The following ACVR2A variants were observed in gnomAD, a reference collection of about 807,000 sequenced individuals.
The protein encoded by ACVR2A is activin receptor type-2A.
Under a neutral mutation model 61.4 loss-of-function variants are expected in ACVR2A, and 7 were observed. The observed-to-expected ratio is 0.11, with a 90% CI of 0.06 to 0.21. The LOEUF (loss-of-function observed/expected upper bound fraction) is 0.21, where lower values mean the gene tolerates loss of function less well. ACVR2A is among the 10% of genes least tolerant of loss of function. The pLI is 1.00. For synonymous variants in ACVR2A, 193 were observed against 208.3 expected (o/e 0.93, Z 0.63); for missense variants, 322 against 621.7 (o/e 0.52, Z 5.13).
intron 4 of ACVR2A, among the ~76,000 whole-genome samples, chr2:147,911,854 C>T (rs1348109752): frequency 3.9e-5 from 6 of 151,992 alleles, no homozygotes; most frequent in African/African-American, 7.2e-5. Flanking sequence ...CGGCTCCATT[C>T]GCCTCAAAAA....
chr2:147,897,721 A>G (rs1001979040), intron 2 of ACVR2A, among the ~76,000 whole-genome samples: 3 of 152,108 alleles, frequency 2.0e-5, no homozygotes, highest in Non-Finnish European at 2.9e-5. Flanking sequence ...GATTAACTAC[A>G]CTTTTTGTGA....
At chr2:147,889,309 T>G (rs1340563889) in intron 1 of ACVR2A, among the ~76,000 whole-genome samples, 1 of 152,196 alleles carries the variant, frequency 6.6e-6, no homozygotes, top group Non-Finnish European at 1.5e-5. Flanking sequence ...ATGATACTGG[T>G]CTCATAAAAT....
chr2:147,899,472 A>G lies in ACVR2A; in HGVS notation c.278A>G (p.Glu93Gly), dbSNP rs1354104220. The G allele has an allele frequency of 2.5e-6, 4 of 1,605,916 alleles. No individual in the cohort carries two copies. The highest frequency in any genetic ancestry group is 3.4e-6 in the Non-Finnish European group (4 of 1,175,104). The stretch of plus-strand genomic sequence containing the variant: ...CTTATTTATAGGACTGATTGTGTAG[A>G]AAAAAAAGACAGCCCTGAAGTATAT... ...INCYDRTDCV[E>G]KKDSPEVYFC... The change falls in exon 3 of 11, where the codon GAA (glutamate) becomes GGA (glycine). Residue 93 changes from glutamate (E) to glycine (G), a missense_variant. Transcript: ENST00000241416.
At chr2:147,885,544 T>C (rs557519272) in intron 1 of ACVR2A, among the ~76,000 whole-genome samples, 76 of 152,154 alleles carry the variant, frequency 5.0e-4, no homozygotes, top group Non-Finnish European at 8.8e-4. Flanking sequence ...GATCATAGTA[T>C]GTACCTGTAG....
intron 2 of ACVR2A, among the ~76,000 whole-genome samples, chr2:147,897,498 A>G (rs1322132852): frequency 6.6e-6 from 1 of 152,170 alleles, no homozygotes; most frequent in Admixed American, 6.5e-5. Flanking sequence ...CCTGGGCCAC[A>G]GGATTTCTAC....
At chr2:147,859,384 A>G (rs1259987373) in intron 1 of ACVR2A, among the ~76,000 whole-genome samples, 1 of 152,008 alleles carries the variant, frequency 6.6e-6, no homozygotes, top group African/African-American at 2.4e-5. Context: ...AGAGGAGGGC[A>G]TGGGAGGAGA....
intron 4 of ACVR2A, among the ~76,000 whole-genome samples, chr2:147,914,220 T>C (rs562063693): frequency 3.9e-4 from 60 of 152,032 alleles, no homozygotes; most frequent in African/African-American, 1.4e-3. Flanking sequence ...GAAATTTTAG[T>C]TCCTCCTCAA....
At chr2:147,890,028 C>CA (rs1686543946) in intron 1 of ACVR2A, among the ~76,000 whole-genome samples, 1 of 151,756 alleles carries the variant, frequency 6.6e-6, no homozygotes, top group Non-Finnish European at 1.5e-5. Flanking sequence ...GATGCGGAAA[C>CA]AAGGTAGTGA....
intron 1 of ACVR2A, among the ~76,000 whole-genome samples, chr2:147,864,298 C>T (rs1210640987): frequency 2.0e-5 from 3 of 152,016 alleles, no homozygotes; most frequent in African/African-American, 4.8e-5. Context: ...GGCGCGATGT[C>T]GGCTCACTGC....
At chr2:147,910,743 T>G (rs925569315) in intron 4 of ACVR2A, among the ~76,000 whole-genome samples, 1 of 152,174 alleles carries the variant, frequency 6.6e-6, no homozygotes, top group African/African-American at 2.4e-5. Flanking sequence ...ATGAAAATCC[T>G]GTTCTCTATC....
intron 1 of ACVR2A, among the ~76,000 whole-genome samples, chr2:147,874,779 A>C (rs1686113088): frequency 6.6e-6 from 1 of 152,002 alleles, no homozygotes; most frequent in African/African-American, 2.4e-5. Context: ...AGGAATAATA[A>C]TACCTATTCC....
chr2:147,918,183 AC>A (rs1161359760), intron 6 of ACVR2A, among the ~76,000 whole-genome samples: 16 of 151,648 alleles, frequency 1.1e-4, no homozygotes, highest in Admixed American at 4.6e-4. Context: ...AAAAAAAAAA[AC>A]AAACTTGTCT....
chr2:147,881,602 A>AGTGTGTGTGTGTGTGTGTGT (rs145075375), intron 1 of ACVR2A, among the ~76,000 whole-genome samples: 1 of 81,444 alleles, frequency 1.2e-5, no homozygotes, highest in Non-Finnish European at 2.4e-5. Flanking sequence ...GAAGCTGCTT[A>AGTGTGTGTGTGTGTGTGTGT]GTGTGTGTGT....
At chr2:147,864,898 C>T (rs1287539517) in intron 1 of ACVR2A, among the ~76,000 whole-genome samples, 5 of 152,066 alleles carry the variant, frequency 3.3e-5, no homozygotes, top group Non-Finnish European at 7.4e-5. Context: ...AGAAAACAGT[C>T]ACTTTGGAAT....
At chr2:147,918,366 C>CTTA in intron 6 of ACVR2A, 81 bp from the exon 7 acceptor site, 1 of 1,260,540 alleles carries the variant, frequency 7.9e-7, no homozygotes, top group Non-Finnish European at 1.1e-6. Flanking sequence ...CTCACAACCT[C>CTTA]TTATAGGTAA....
At chr2:147,859,879 AG>A (rs1426436384) in intron 1 of ACVR2A, among the ~76,000 whole-genome samples, 2 of 151,986 alleles carry the variant, frequency 1.3e-5, no homozygotes, top group Non-Finnish European at 2.9e-5. Flanking sequence ...GCTCACCAGA[AG>A]CTCACCTTAT....
chr2:147,856,134 A>G lies in ACVR2A; in HGVS notation c.55+10927A>G, dbSNP rs542090996. Among the ~76,000 whole-genome samples the G allele has an allele frequency of 2.0e-5, 3 of 152,282 alleles. No homozygotes were observed. The South Asian group carries it at 6.2e-4, about 32-fold the overall frequency. On this transcript the variant is annotated intron_variant, in intron 1 of 10. Coordinates refer to ENST00000241416, the MANE Select transcript of ACVR2A (RefSeq NM_001616.5). ...AGGGCTGCAGCCTCTAACTCTAGGT[A>G]TTCAGCTTGAATGTTTTTATCTGGA...
intron 8 of ACVR2A, among the ~76,000 whole-genome samples, chr2:147,920,627 G>C (rs1222218995): frequency 6.6e-6 from 1 of 152,066 alleles, no homozygotes; most frequent in African/African-American, 2.4e-5. Flanking sequence ...CTCATTCTTA[G>C]GGAATTCTTC....
intron 1 of ACVR2A, among the ~76,000 whole-genome samples, chr2:147,856,940 TAAAATG>T (rs971342671): frequency 3.3e-5 from 5 of 152,178 alleles, no homozygotes; most frequent in African/African-American, 1.2e-4. Context: ...TAGTTTTTGT[TAAAATG>T]TAAATAGAGA....
Sources: gnomAD v4.1 joint callset for allele counts (sites outside exome capture counted in the v4.1 genomes callset) on GRCh38, gnomAD v4.1.1 for gene constraint, MANE v1.5 for transcripts, NCBI Gene and HGNC (gene_info 2026-07-23, HGNC 2026-07-21) for gene names.